PDE1C: variants seen among roughly 807,000 people sequenced by gnomAD.
PDE1C encodes the protein phosphodiesterase 1C.
In PDE1C, 62 loss-of-function variants were observed where a neutral mutation model predicts 93.1. That is an observed-to-expected ratio of 0.67 (90% CI 0.54 to 0.82). The LOEUF is 0.82. Among genes scored for constraint, PDE1C ranks in the 40% least tolerant of loss-of-function variants. The pLI, the probability that PDE1C is intolerant of heterozygous loss-of-function variation, is 0.00. For missense variants in PDE1C, 742 were observed against 884.6 expected (o/e 0.84, Z 2.04); for synonymous variants, 325 against 310.1 (o/e 1.05, Z -0.50).
intron 2 of PDE1C, among the ~76,000 whole-genome samples, chr7:31,995,951 G>A (rs1051856121): frequency 4.6e-5 from 7 of 151,946 alleles, no homozygotes; most frequent in African/African-American, 1.7e-4. Flanking sequence ...GGGTGCAGGA[G>A]CCAAAAAGCA....
intron 2 of PDE1C, among the ~76,000 whole-genome samples, chr7:32,041,669 C>T (rs1016166507): frequency 3.3e-5 from 5 of 152,164 alleles, no homozygotes; most frequent in African/African-American, 1.2e-4. Flanking sequence ...CTGATCACAT[C>T]GCTTCAAAGC....
intron 14 of PDE1C, 62 bp from the exon 15 acceptor site, chr7:31,816,216 G>C: frequency 6.8e-7 from 1 of 1,466,852 alleles, no homozygotes; most frequent in African/African-American, 1.4e-5. Flanking sequence ...GCCGTTAGGA[G>C]AATGGCCTGT....
chr7:31,894,000 C>G (rs1451068631), intron 2 of PDE1C, among the ~76,000 whole-genome samples: 1 of 152,142 alleles, frequency 6.6e-6, no homozygotes, highest in Non-Finnish European at 1.5e-5. Flanking sequence ...ATAATATATT[C>G]TATCATTGTG....
At chr7:32,329,708 C>G (rs1023475664) in intron 1 of PDE1C, among the ~76,000 whole-genome samples, 1 of 152,134 alleles carries the variant, frequency 6.6e-6, no homozygotes, top group African/African-American at 2.4e-5. Flanking sequence ...ATGAGCATAT[C>G]CTCTTCAAGG....
intron 16 of PDE1C, among the ~76,000 whole-genome samples, chr7:31,794,593 A>G (rs993182634): frequency 6.6e-6 from 1 of 152,034 alleles, no homozygotes; most frequent in Non-Finnish European, 1.5e-5. Context: ...ATTAACACAA[A>G]GACAATGATT....
At chr7:32,341,339 C>G (rs1014593840) in intron 1 of PDE1C, among the ~76,000 whole-genome samples, 1 of 149,334 alleles carries the variant, frequency 6.7e-6, no homozygotes, top group African/African-American at 2.5e-5. Context: ...CCACGCCCGG[C>G]TAATTTTTTG....
intron 15 of PDE1C, among the ~76,000 whole-genome samples, chr7:31,815,087 C>T (rs1376372129): frequency 6.6e-6 from 1 of 152,060 alleles, no homozygotes; most frequent in African/African-American, 2.4e-5. Flanking sequence ...ATTCAAAACC[C>T]CCTCTTGAAG....
intron 2 of PDE1C, among the ~76,000 whole-genome samples, chr7:32,187,279 C>T (rs950932344): frequency 6.6e-6 from 1 of 152,080 alleles, no homozygotes; most frequent in Non-Finnish European, 1.5e-5. Flanking sequence ...CAGGTGTATG[C>T]AGCCATGCCT....
At chr7:31,870,298 G>T (rs1479095622) in intron 6 of PDE1C, among the ~76,000 whole-genome samples, 1 of 151,712 alleles carries the variant, frequency 6.6e-6, no homozygotes, top group Non-Finnish European at 1.5e-5. Context: ...ATGCAATGGA[G>T]CAATGAAATG....
chr7:32,033,593 T>A (rs1790629868), intron 2 of PDE1C, among the ~76,000 whole-genome samples: 2 of 152,100 alleles, frequency 1.3e-5, no homozygotes, highest in African/African-American at 2.4e-5. Flanking sequence ...TGACCTTGTA[T>A]CTTCACCCTG....
intron 2 of PDE1C, among the ~76,000 whole-genome samples, chr7:32,207,792 C>T (rs1475055343): frequency 9.2e-5 from 14 of 152,164 alleles, no homozygotes; most frequent in Admixed American, 9.2e-4. Flanking sequence ...AGTTACCTTC[C>T]TTTCTCTGTG....
intron 2 of PDE1C, among the ~76,000 whole-genome samples, chr7:32,001,579 C>T (rs1344173934): frequency 6.6e-6 from 1 of 152,176 alleles, no homozygotes; most frequent in East Asian, 1.9e-4. Flanking sequence ...TGCAGACTTA[C>T]TAAACCAACA....
At chr7:31,696,935 G>A in the PDE1C span, 2 of 1,609,178 alleles carry the variant, frequency 1.2e-6, no homozygotes, top group East Asian at 2.2e-5. Context: ...ATTTGATCCT[G>A]TTTCTCTCTG....
chr7:31,830,077 C>G (rs1186658502), intron 11 of PDE1C, among the ~76,000 whole-genome samples: 2 of 152,064 alleles, frequency 1.3e-5, no homozygotes, highest in East Asian at 3.9e-4. Flanking sequence ...TGTCTATACC[C>G]AAATATACAC....
intron 11 of PDE1C, among the ~76,000 whole-genome samples, chr7:31,836,027 AG>A (rs1791052962): frequency 6.6e-6 from 1 of 152,238 alleles, no homozygotes; most frequent in South Asian, 2.1e-4. Context: ...TTATGGAATC[AG>A]AAGTCTCTGA....
At chr7:32,306,842 G>C (rs1394631065) in intron 1 of PDE1C, among the ~76,000 whole-genome samples, 1 of 152,198 alleles carries the variant, frequency 6.6e-6, no homozygotes, top group Non-Finnish European at 1.5e-5. Context: ...CAGAAAGGGA[G>C]TGGGGAAGTT....
At chr7:31,741,106 CT>C in the PDE1C span, among the ~76,000 whole-genome samples, 8 of 151,320 alleles carry the variant, frequency 5.3e-5, no homozygotes, top group East Asian at 1.6e-3. Flanking sequence ...TTTATGTTTA[CT>C]AATTTGTTTA....
chr7:32,331,346 A>G (rs947331734), intron 1 of PDE1C, among the ~76,000 whole-genome samples: 2 of 152,214 alleles, frequency 1.3e-5, no homozygotes, highest in Non-Finnish European at 2.9e-5. Context: ...TGTGCGAAGC[A>G]AGACTGACCC....
intron 3 of PDE1C, among the ~76,000 whole-genome samples, chr7:32,168,356 C>A (rs2128803544): frequency 6.6e-6 from 1 of 152,246 alleles, no homozygotes; most frequent in South Asian, 2.1e-4. Context: ...CAAGAGAATG[C>A]AAACAAAACA....
Sources: gnomAD v4.1 joint callset for allele counts (sites outside exome capture counted in the v4.1 genomes callset) on GRCh38, gnomAD v4.1.1 for gene constraint, MANE v1.5 for transcripts, NCBI Gene and HGNC (gene_info 2026-07-23, HGNC 2026-07-21) for gene names.